STAB1: variants seen among roughly 807,000 people sequenced by gnomAD.
STAB1 encodes the protein stabilin-1.
Under a neutral mutation model 332.4 loss-of-function variants are expected in STAB1, and 250 were observed. The observed-to-expected ratio is 0.75, with a 90% CI of 0.68 to 0.84. STAB1 has a LOEUF of 0.84. Among genes scored for constraint, STAB1 ranks in the 40% least tolerant of loss-of-function variants. STAB1 has a pLI of 0.00. For missense variants in STAB1, 3,249 were observed against 3,489.7 expected (o/e 0.93, Z 1.74); for synonymous variants, 1,475 against 1,390.4 (o/e 1.06, Z -1.35).
rs766750913 is a variant in STAB1, at chr3:52,503,980, G to T, written c.1023-48G>T. The stretch of plus-strand genomic sequence containing the variant: ...TGCGGGAAGGCGTGGGGGGTGCGGT[G>T]GGGGGGGCCTCAGCCTCCGCCCTGA... On this transcript the variant is annotated intron_variant, in intron 9 of 68. Coordinates refer to ENST00000321725, the MANE Select transcript of STAB1 (RefSeq NM_015136.3). The T allele has an allele frequency of 3.7e-5, 58 of 1,577,438 alleles. No homozygotes were observed. The Admixed American group carries it at 5.6e-4, about 15-fold the overall frequency.
At position 52,520,099 on chromosome 3, in the gene STAB1, C is replaced by A; in HGVS notation, c.5391C>A (p.Gly1797=). 1 of 1,610,304 alleles carries A rather than the reference C, an allele frequency of 6.2e-7. No homozygotes were observed. The highest frequency in any genetic ancestry group is 8.5e-7 in the Non-Finnish European group (1 of 1,177,648). The part of the protein sequence containing the change: ...HRDKLAAILR[G]HMIRNVEALA... ...ACAAGCTAGCAGCCATTCTGCGGGG[C>A]CACATGATTCGCAATGTCGAGGTGG... Residue 1797 remains glycine, a synonymous_variant, in exon 51 of 69, where the codon GGC becomes GGA. Coordinates refer to ENST00000321725, the MANE Select transcript of STAB1 (RefSeq NM_015136.3).
Position 52,517,332 on chromosome 3 carries a change from G to C in STAB1, c.4502G>C (p.Cys1501Ser), listed in dbSNP as rs780939202. 1.3e-6 allele frequency: 2 copies of C among 1,591,288 alleles called. No homozygotes were observed. Among genetic ancestry groups the C allele is most frequent in the Admixed American group, 1.8e-5 (1 of 55,538 alleles). Residue 1501 changes from cysteine (C) to serine (S), a missense_variant, in exon 43 of 69, where the codon TGT becomes TCT. By Grantham distance (112) the Cys-to-Ser change is moderately radical. Transcript: ENST00000321725. ...DGELCQEINS[C>S]LIHHGGCHIH... ...TCTCTTCCCCCAGAAATTAACAGCT[G>C]TCTCATCCACCACGGGGGCTGCCAC... is the stretch of plus-strand genomic sequence containing the variant.
At chr3:52,506,953 AC>A in intron 18 of STAB1, 103 bp downstream of exon 18, 1 of 1,504,544 alleles carries the variant, frequency 6.6e-7, no homozygotes, top group Non-Finnish European at 8.9e-7. Context: ...GGCTGGGCTG[AC>A]GCCGGCTCTG....
chr3:52,516,707 G>C lies in STAB1; in HGVS notation c.4302G>C (p.Ser1434=), dbSNP rs199976828. Residue 1434 remains serine, a synonymous_variant, in exon 41 of 69, where the codon TCG becomes TCC. Transcript: ENST00000321725. ...CCCCTCCCAGCTGCGTGCAGGACTC[G>C]GCCGGAGCCTCCACCTGCGCCTGTG... ...CDPNANCVQD[S]AGASTCACAA... 80 of 1,612,224 alleles carry C rather than the reference G, an allele frequency of 5.0e-5. 1 individual carries two copies. In the South Asian group the frequency reaches 7.7e-4, roughly 15 times the overall value.
In STAB1 at chr3:52,502,660, C is replaced by A. The variant is rs1708538870; in HGVS notation, c.516C>A (p.Asn172Lys). ...GCAGCTGTGTGCACGGAGTGTGCAA[C>A]CATGGGCCACGTGGGGATGGAAGCT... ...SVCSCVHGVC[N>K]HGPRGDGSCL... The change falls in exon 6 of 69, where the codon AAC (asparagine) becomes AAA (lysine). Residue 172 changes from asparagine to lysine, a missense_variant. Physicochemically the swap from Asn to Lys is moderately conservative, Grantham distance 94. Transcript: ENST00000321725. The A allele has an allele frequency of 6.2e-7, 1 of 1,613,814 alleles. No individual in the cohort carries two copies. Among genetic ancestry groups the A allele is most frequent in the Non-Finnish European group, 8.5e-7 (1 of 1,179,906 alleles).
At chr3:52,507,785 C>A (rs2153233297) in intron 19 of STAB1, 110 bp downstream of exon 19, 1 of 1,499,542 alleles carries the variant, frequency 6.7e-7, no homozygotes, top group Non-Finnish European at 9.2e-7. Flanking sequence ...CTAGATCACA[C>A]CTGGAGGCTA....
intron 21 of STAB1, chr3:52,508,631 G>C: frequency 2.4e-6 from 1 of 411,986 alleles, no homozygotes; most frequent in East Asian, 5.7e-5. Context: ...AGACCAGCCT[G>C]GTCAACATGG....
intron 30 of STAB1, 84 bp downstream of exon 30, chr3:52,513,325 G>A (rs1341018339): frequency 2.2e-6 from 3 of 1,369,720 alleles, no homozygotes; most frequent in Non-Finnish European, 3.0e-6. Context: ...CCCACATCAG[G>A]GGCCCCATGG....
At position 52,523,537 on chromosome 3, in the gene STAB1, C is replaced by T; in HGVS notation, c.7251C>T (p.Ile2417=). 6.2e-7 allele frequency: 1 copy of T among 1,612,910 alleles called. No individual in the cohort carries two copies. The highest frequency in any genetic ancestry group is 1.3e-5 in the African/African-American group (1 of 75,070). ...LPAHSGLSLI[I]SDAGPDNSSW... is the part of the protein sequence containing the mutation. The stretch of plus-strand genomic sequence containing the variant: ...CCCACTCAGGCCTCAGCCTCATCAT[C>T]AGTGACGCAGGCCCTGACAACAGTT... The change falls in exon 65 of 69, where the codon ATC becomes ATT. Residue 2417 remains isoleucine, a synonymous_variant. Coordinates refer to ENST00000321725, the MANE Select transcript of STAB1 (RefSeq NM_015136.3).
rs1423613498 is a variant in STAB1, at chr3:52,502,662, A to T, written c.518A>T (p.His173Leu). The T allele has an allele frequency of 6.2e-7, 1 of 1,613,802 alleles. No homozygotes were observed. The highest frequency in any genetic ancestry group is 1.7e-5 in the Admixed American group (1 of 60,018). ...VCSCVHGVCN[H>L]GPRGDGSCLC... ...AGCTGTGTGCACGGAGTGTGCAACC[A>T]TGGGCCACGTGGGGATGGAAGCTGC... is the stretch of plus-strand genomic sequence containing the variant. The change falls in exon 6 of 69, where the codon CAT becomes CTT. Residue 173 changes from histidine (H) to leucine (L), a missense_variant. Transcript: ENST00000321725.
In STAB1 at chr3:52,509,980, G is replaced by A. The variant is rs1204627940; in HGVS notation, c.2458G>A (p.Gly820Arg). ...FSGRFCNESMGDCGPTGLAQH... is the reference protein window; with the variant it reads ...FSGRFCNESMRDCGPTGLAQH... The stretch of plus-strand genomic sequence containing the variant: ...TGGCCGGTTCTGCAACGAGTCCATG[G>A]GGGACTGTGGGCCCACAGGGCTGGC... Residue 820 changes from glycine to arginine, a missense_variant, in exon 23 of 69, where the codon GGG becomes AGG. Physicochemically the swap from Gly to Arg is moderately radical, Grantham distance 125. Transcript: ENST00000321725. 5.0e-6 allele frequency: 8 copies of A among 1,610,786 alleles called. 1 individual carries two copies. The South Asian group carries it at 7.7e-5, about 16-fold the overall frequency.
Position 52,504,454 on chromosome 3 carries a change from C to A in STAB1, c.1151-7C>A, listed in dbSNP as rs746202000. The A allele has an allele frequency of 6.2e-7, 1 of 1,613,816 alleles. No individual in the cohort carries two copies. The highest frequency in any genetic ancestry group is 8.5e-7 in the Non-Finnish European group (1 of 1,179,842). The stretch of plus-strand genomic sequence containing the variant: ...CCCTTCTGATGCTCCCTCACCCTGC[C>A]CCCCAGACCAGGGCTGCCGGGAAAT... On this transcript the variant is annotated splice_region_variant and splice_polypyrimidine_tract_variant and intron_variant, in intron 10 of 68. Transcript: ENST00000321725.
chr3:52,523,055 T>A lies in STAB1; in HGVS notation c.6941T>A (p.Val2314Glu). ...GCCTGCCGATGCCGAAATGGCTTCG[T>A]GGGTGACGGGATCAGCACGTGCAAT... The part of the protein sequence containing the change: ...DVACRCRNGF[V>E]GDGISTCNGK... The change falls in exon 63 of 69, where the codon GTG (valine) becomes GAG (glutamate). Residue 2314 changes from valine to glutamate, a missense_variant. Coordinates refer to ENST00000321725, the MANE Select transcript of STAB1 (RefSeq NM_015136.3). The A allele has an allele frequency of 6.4e-7, 1 of 1,570,250 alleles. No individual in the cohort carries two copies. The highest frequency in any genetic ancestry group is 1.7e-5 in the Admixed American group (1 of 57,598).
At position 52,520,797 on chromosome 3, in the gene STAB1, G is replaced by A. The variant is rs201241832; in HGVS notation, c.5707-7G>A. ...CACCCAACTGCGGCCTGACTCCTTT[G>A]GCCCAGGGCAGCCCTGAGGCCTGCT... On this transcript the variant is annotated splice_region_variant and splice_polypyrimidine_tract_variant and intron_variant, in intron 54 of 68. Coordinates refer to ENST00000321725, the MANE Select transcript of STAB1 (RefSeq NM_015136.3). The A allele has an allele frequency of 6.2e-7, 1 of 1,612,762 alleles. No individual in the cohort carries two copies. The highest frequency in any genetic ancestry group is 2.2e-5 in the East Asian group (1 of 44,890).
chr3:52,519,816 C>T, intron 50 of STAB1, 128 bp from the exon 51 acceptor site: 1 of 1,279,242 alleles, frequency 7.8e-7, no homozygotes, highest in Non-Finnish European at 1.1e-6. Context: ...CACATGCCTG[C>T]CTGGGATGGT....
chr3:52,504,772 A>G lies in STAB1; in HGVS notation c.1273A>G (p.Ile425Val), dbSNP rs761796375. The G allele has an allele frequency of 9.3e-6, 15 of 1,613,766 alleles. No individual in the cohort carries two copies. The Admixed American group carries it at 2.0e-4, about 22-fold the overall frequency. The change falls in exon 12 of 69, where the codon ATC becomes GTC. Residue 425 changes from isoleucine (I) to valine (V), a missense_variant. Ile to Val is a conservative substitution (Grantham distance 29). Transcript: ENST00000321725. ...TGCCCAGCAGCTCTGTAGACAGCAC[A>G]TCATCGCAGGGCAGCACATCCTGGA... Reference protein sequence around the residue: ...SLAQQLCRQHIIAGQHILEDT... With the variant: ...SLAQQLCRQHVIAGQHILEDT...
Position 52,502,616 on chromosome 3 carries a change from T to G in STAB1, c.488-16T>G. On this transcript the variant is annotated splice_polypyrimidine_tract_variant and intron_variant, in intron 5 of 68. Coordinates refer to ENST00000321725, the MANE Select transcript of STAB1 (RefSeq NM_015136.3). ...GAGAGGCTGGGGCCCCATCTGTCTCTGTGTGTCCCTCCCAGTGTGCAGCTG... is the reference window on the plus strand; with the variant it reads ...GAGAGGCTGGGGCCCCATCTGTCTCGGTGTGTCCCTCCCAGTGTGCAGCTG... 1 of 1,604,252 alleles carries G rather than the reference T, an allele frequency of 6.2e-7. No homozygotes were observed. The highest frequency in any genetic ancestry group is 8.5e-7 in the Non-Finnish European group (1 of 1,172,228).
At position 52,510,467 on chromosome 3, in the gene STAB1, G is replaced by T. The variant is rs1709214200; in HGVS notation, c.2747G>T (p.Cys916Phe). Residue 916 changes from cysteine (C) to phenylalanine (F), a missense_variant, in exon 25 of 69, where the codon TGC (cysteine) becomes TTC (phenylalanine). By Grantham distance (205) the Cys-to-Phe change is radical (BLOSUM62 -2). Coordinates refer to ENST00000321725, the MANE Select transcript of STAB1 (RefSeq NM_015136.3). ...DECELDMRGG[C>F]HTDALCSYVG... Reference sequence around the variant, plus strand: ...TGTGAGCTGGACATGAGAGGTGGCTGCCACACCGATGCCCTCTGCAGCTAT... The same window carrying T: ...TGTGAGCTGGACATGAGAGGTGGCTTCCACACCGATGCCCTCTGCAGCTAT... 6.2e-7 allele frequency: 1 copy of T among 1,613,712 alleles called. No homozygotes were observed. Among genetic ancestry groups the T allele is most frequent in the Non-Finnish European group, 8.5e-7 (1 of 1,179,998 alleles).
rs1171152472 is a variant in STAB1, at chr3:52,505,863, C to G, written c.1696-20C>G. ...CCCCACAGTTCCTCCAGGAGCCAAA[C>G]CCTCTCTCTCCCCTGCCAGGGTCTC... On this transcript the variant is annotated intron_variant, in intron 15 of 68. Coordinates refer to ENST00000321725, the MANE Select transcript of STAB1 (RefSeq NM_015136.3). The G allele has an allele frequency of 6.2e-7, 1 of 1,613,194 alleles. No homozygotes were observed. Among genetic ancestry groups the G allele is most frequent in the Non-Finnish European group, 8.5e-7 (1 of 1,179,328 alleles).
Sources: allele counts gnomAD v4.1 joint callset, GRCh38; gene constraint gnomAD v4.1.1; transcripts MANE v1.5; gene names NCBI Gene and HGNC (gene_info 2026-07-23, HGNC 2026-07-21).